Variants in ERCC8 observed in about 807,000 individuals in gnomAD.
ERCC8 encodes the protein ERCC excision repair 8, CSA ubiquitin ligase complex subunit, also known as DNA excision repair protein ERCC-8.
Under a neutral mutation model 54.9 loss-of-function variants are expected in ERCC8, and 52 were observed. The ratio of observed to expected loss-of-function variants is 0.95; its 90% CI spans 0.76 to 1.19. The LOEUF is 1.19. Among genes scored for constraint, ERCC8 ranks in the 50% most tolerant of loss-of-function variants. ERCC8 has a pLI of 0.00. For missense variants in ERCC8, 514 were observed against 466.1 expected (o/e 1.10, Z -0.95); for synonymous variants, 146 against 157.2 (o/e 0.93, Z 0.53).
At chr5:60,911,831 C>T (rs1749275981) in intron 4 of ERCC8, among the ~76,000 whole-genome samples, 2 of 152,178 alleles carry the variant, frequency 1.3e-5, no homozygotes, top group African/African-American at 4.8e-5. Context: ...TTTCCCAGCA[C>T]CATTTATTAA....
chr5:60,894,010 A>G (rs1459127342), intron 9 of ERCC8, among the ~76,000 whole-genome samples: 1 of 139,072 alleles, frequency 7.2e-6, no homozygotes, highest in Admixed American at 7.4e-5. Context: ...TTTGAGACAG[A>G]GTCTTGCTCT....
intron 1 of ERCC8, among the ~76,000 whole-genome samples, chr5:60,931,942 A>G (rs1020432059): frequency 6.6e-6 from 1 of 151,996 alleles, no homozygotes; most frequent in African/African-American, 2.4e-5. Flanking sequence ...TCCCATCTCC[A>G]CTACCATCCC....
At chr5:60,909,250 A>G (rs1190906172) in intron 4 of ERCC8, among the ~76,000 whole-genome samples, 4 of 105,336 alleles carry the variant, frequency 3.8e-5, no homozygotes, top group Admixed American at 1.0e-4. Context: ...TCTGAAAAAA[A>G]AAAAAAAAAA....
At chr5:60,885,171 C>T (rs1748360136) in intron 11 of ERCC8, among the ~76,000 whole-genome samples, 1 of 151,982 alleles carries the variant, frequency 6.6e-6, no homozygotes, top group African/African-American at 2.4e-5. Flanking sequence ...AGCCACCAAA[C>T]CTGGCTAATT....
chr5:60,916,267 G>A (rs1749432352), intron 4 of ERCC8, among the ~76,000 whole-genome samples: 1 of 152,010 alleles, frequency 6.6e-6, no homozygotes, highest in Non-Finnish European at 1.5e-5. Flanking sequence ...CTAGCTTTAT[G>A]AAATTGACTA....
At position 60,929,087 on chromosome 5, in the gene ERCC8, C is replaced by T. The variant is rs158570; in HGVS notation, c.78-128G>A. 395,070 of 636,550 alleles carry T rather than the reference C, an allele frequency of 0.62. 126,378 individuals are homozygous for T. Among genetic ancestry groups the T allele is most frequent in the East Asian group, 0.95 (34,249 of 36,180 alleles). 39.4% of individuals were successfully genotyped at this position (636,550 alleles called of 1,614,324 possible). ...CTAAATCTTCTACCACACATCCTAACGTATTTATAGATTTTTAGACATCTT... is the reference window on the plus strand; with the variant it reads ...CTAAATCTTCTACCACACATCCTAATGTATTTATAGATTTTTAGACATCTT... On this transcript the variant is annotated intron_variant, in intron 1 of 11. Coordinates refer to ENST00000676185, the MANE Select transcript of ERCC8 (RefSeq NM_000082.4).
chr5:60,873,394 G>T lies in ERCC8; in HGVS notation c.*1221C>A, dbSNP rs1181598815. On this transcript the variant is annotated 3_prime_UTR_variant, in exon 12 of 12. Transcript: ENST00000676185. ...TATACACTTAAAAACTCAACAACTG[G>T]CTGGGTGCAGTGGCTCAAGCTTATA... Among the ~76,000 whole-genome samples the T allele has an allele frequency of 6.6e-6, 1 of 152,154 alleles. No homozygotes were observed. The highest frequency in any genetic ancestry group is 1.5e-5 in the Non-Finnish European group (1 of 68,034).
At chr5:60,938,040 CATACATACATATATATATATATAT>C (rs1215631108) in intron 1 of ERCC8, among the ~76,000 whole-genome samples, 6,064 of 32,416 alleles carry the variant, frequency 0.19, 407 homozygotes, top group African/African-American at 0.19. Flanking sequence ...TACATACATA[CATACATACATATATATATATATAT>C]ATATATATAT....
At chr5:60,925,891 T>A (rs951612801) in intron 2 of ERCC8, among the ~76,000 whole-genome samples, 2 of 152,194 alleles carry the variant, frequency 1.3e-5, no homozygotes, top group African/African-American at 4.8e-5. Flanking sequence ...TGGCATGATC[T>A]CGGCTCACTG....
In ERCC8 at chr5:60,928,122, A is replaced by G. The variant is rs112108713; in HGVS notation, c.173+742T>C. On this transcript the variant is annotated intron_variant, in intron 2 of 11. Transcript: ENST00000676185. ...TATATGTGGCCTAATTGTAGGCCAC[A>G]TGAAAGGTTTTGTACGGTCTTTTAA... Among the ~76,000 whole-genome samples, 363 of 152,356 alleles carry G rather than the reference A, an allele frequency of 2.4e-3. 8 individuals are homozygous for G. Among genetic ancestry groups the G allele is most frequent in the African/African-American group, 8.5e-3 (353 of 41,590 alleles).
chr5:60,881,246 C>G (rs190933905), intron 11 of ERCC8, among the ~76,000 whole-genome samples: 1 of 152,282 alleles, frequency 6.6e-6, no homozygotes, highest in African/African-American at 2.4e-5. Context: ...GTGCACCTGG[C>G]TCTGTGAGGT....
intron 1 of ERCC8, among the ~76,000 whole-genome samples, chr5:60,936,547 T>C (rs1750071967): frequency 6.6e-6 from 1 of 152,156 alleles, no homozygotes; most frequent in South Asian, 2.1e-4. Context: ...TCTTGGTTAT[T>C]TTTTTTCTTC....
intron 9 of ERCC8, among the ~76,000 whole-genome samples, chr5:60,895,187 A>G (rs1203350277): frequency 6.6e-6 from 1 of 151,784 alleles, no homozygotes; most frequent in East Asian, 1.9e-4. Context: ...AAAAAAAAAA[A>G]AAGGGATTCA....
rs931377061 is a variant in ERCC8 at position 60,870,072 on chromosome 5, C to A, written c.*4543G>T. Among the ~76,000 whole-genome samples the A allele has an allele frequency of 2.0e-5, 3 of 152,094 alleles. No individual in the cohort carries two copies. The highest frequency in any genetic ancestry group is 7.2e-5 in the African/African-American group (3 of 41,418). On this transcript the variant is annotated 3_prime_UTR_variant, in exon 12 of 12. Transcript: ENST00000676185. ...AGTGGAAGCCTCCCATATTTCTCCA[C>A]TATATTTTTGCAAGTGCTTAACAAA...
At chr5:60,878,449 C>A (rs1016408377) in intron 11 of ERCC8, among the ~76,000 whole-genome samples, 10 of 152,284 alleles carry the variant, frequency 6.6e-5, no homozygotes, top group Non-Finnish European at 1.0e-4. Context: ...AGGAATGGTA[C>A]CAGCTCCTCC....
chr5:60,921,065 G>A (rs943256834), intron 3 of ERCC8, among the ~76,000 whole-genome samples: 1 of 151,574 alleles, frequency 6.6e-6, no homozygotes, highest in Non-Finnish European at 1.5e-5. Context: ...CAGTGGTTTC[G>A]GTTTTCAACA....
chr5:60,882,543 T>A (rs1215397772), intron 11 of ERCC8, among the ~76,000 whole-genome samples: 1 of 152,160 alleles, frequency 6.6e-6, no homozygotes, highest in Admixed American at 6.5e-5. Flanking sequence ...TACAGGCGCA[T>A]GCCACCGGCG....
chr5:60,902,877 A>C (rs749292326), intron 6 of ERCC8, among the ~76,000 whole-genome samples: 13 of 152,120 alleles, frequency 8.5e-5, no homozygotes, highest in South Asian at 2.1e-4. Flanking sequence ...CCAATTTCTC[A>C]TAAAGTTATA....
intron 4 of ERCC8, 49 bp from the exon 5 acceptor site, chr5:60,904,922 A>T (rs1306480687): frequency 1.1e-6 from 1 of 937,740 alleles, no homozygotes; most frequent in South Asian, 1.4e-5. Context: ...GTATAAAAAC[A>T]AAGCAATAAA....
Sources: allele counts gnomAD v4.1 joint callset (sites outside exome capture counted in the v4.1 genomes callset), GRCh38; gene constraint gnomAD v4.1.1; transcripts MANE v1.5; gene names NCBI Gene and HGNC (gene_info 2026-07-23, HGNC 2026-07-21).